The following BARD1 variants were observed in gnomAD, a reference collection of about 807,000 sequenced individuals.
The protein encoded by BARD1 is BRCA1 associated RING domain 1, also known as BRCA1-associated RING domain protein 1.
Under a neutral mutation model 77.0 loss-of-function variants are expected in BARD1, and 73 were observed. The ratio of observed to expected loss-of-function variants is 0.95; its 90% confidence interval spans 0.79 to 1.15. The LOEUF (loss-of-function observed/expected upper bound fraction) is 1.15, where lower values mean the gene tolerates loss of function less well. Among genes scored for constraint, BARD1 ranks in the 50% most tolerant of loss-of-function variants. The pLI, the probability that BARD1 is intolerant of heterozygous loss-of-function variation, is 0.00. For synonymous variants in BARD1, 384 were observed against 338.0 expected (o/e 1.14, Z -1.49); for missense variants, 993 against 938.8 (o/e 1.06, Z -0.75).
intron 9 of BARD1, among the ~76,000 whole-genome samples, chr2:214,742,660 C>T (rs933808037): frequency 3.3e-5 from 5 of 152,246 alleles, no homozygotes; most frequent in Admixed American, 1.3e-4. Flanking sequence ...TCTATAAAAA[C>T]GACACGGCCA....
At chr2:214,809,383 C>T in intron 1 of BARD1, 29 bp downstream of exon 1, 1 of 1,611,638 alleles carries the variant, frequency 6.2e-7, no homozygotes, top group Non-Finnish European at 8.5e-7. Context: ...CGTGCCCTCG[C>T]AGCCACCCCC....
chr2:214,765,971 A>G (rs941780503), intron 6 of BARD1, among the ~76,000 whole-genome samples: 1 of 152,236 alleles, frequency 6.6e-6, no homozygotes, highest in African/African-American at 2.4e-5. Flanking sequence ...CCTGCATTTT[A>G]TAATTCTTAT....
chr2:214,755,796 CAA>C (rs1223419302), intron 6 of BARD1, among the ~76,000 whole-genome samples: 9 of 152,124 alleles, frequency 5.9e-5, no homozygotes, highest in African/African-American at 1.7e-4. Flanking sequence ...ATTACAGACA[CAA>C]AGCGTATGTT....
At chr2:214,803,237 T>C (rs1696107993) in intron 1 of BARD1, among the ~76,000 whole-genome samples, 1 of 151,864 alleles carries the variant, frequency 6.6e-6, no homozygotes, top group Non-Finnish European at 1.5e-5. Flanking sequence ...TTTCTCCCCA[T>C]GTGATAGTCT....
intron 9 of BARD1, among the ~76,000 whole-genome samples, chr2:214,732,664 G>A (rs904029764): frequency 6.6e-6 from 1 of 152,084 alleles, no homozygotes; most frequent in Non-Finnish European, 1.5e-5. Flanking sequence ...CAAAGTGCTG[G>A]GATTACAGGC....
intron 4 of BARD1, among the ~76,000 whole-genome samples, chr2:214,778,345 T>TG (rs1694827662): frequency 6.6e-6 from 1 of 152,046 alleles, no homozygotes; most frequent in African/African-American, 2.4e-5. Flanking sequence ...CACTATTAAT[T>TG]GGTGATTTTA....
chr2:214,792,456 A>AT lies in BARD1; in HGVS notation c.216-12dup, dbSNP rs768266538. On this transcript the variant is annotated splice_polypyrimidine_tract_variant and intron_variant, in intron 2 of 10. Transcript: ENST00000260947. ...TCACTTACACAATTACTTTAAAATA[A>AT]TTAAAAAAAAAAAAAAAAGCAACCC... 20 of 1,527,146 alleles carry AT rather than the reference A, an allele frequency of 1.3e-5. No individual in the cohort carries two copies. Among genetic ancestry groups the AT allele is most frequent in the Non-Finnish European group, 1.7e-5 (19 of 1,145,650 alleles). 94.6% of individuals were successfully genotyped at this position (1,527,146 alleles called of 1,614,324 possible).
intron 2 of BARD1, among the ~76,000 whole-genome samples, chr2:214,796,022 C>G (rs1025071233): frequency 6.6e-6 from 1 of 152,096 alleles, no homozygotes; most frequent in Non-Finnish European, 1.5e-5. Context: ...AAGTAATACA[C>G]AAGGTTATTT....
Position 214,725,911 on chromosome 2 carries a change from CAAT to C in BARD1, c.*2762_*2764del, listed in dbSNP as rs1692065629. On this transcript the variant is annotated 3_prime_UTR_variant, in exon 11 of 11. Transcript: ENST00000260947. ...CATTTTCCACACTGACCCATGGAAACAATAACAGCTAATGTGGCCCCACTCTCA... is the reference window on the plus strand; with the variant it reads ...CATTTTCCACACTGACCCATGGAAACAACAGCTAATGTGGCCCCACTCTCA... 2 of 224,852 alleles carry C rather than the reference CAAT, an allele frequency of 8.9e-6. No individual in the cohort carries two copies. Among genetic ancestry groups the C allele is most frequent in the Admixed American group, 1.1e-4 (2 of 17,504 alleles). 13.9% of individuals were successfully genotyped at this position (224,852 alleles called of 1,614,324 possible).
rs35411590 is a variant in BARD1, at chr2:214,744,921, A to G, written c.1903+146T>C. On this transcript the variant is annotated intron_variant, in intron 9 of 10. Coordinates refer to ENST00000260947, the MANE Select transcript of BARD1 (RefSeq NM_000465.4). ...GCTGGGATTACAGGCTTGAGCCACCACGCCCAGCCAGAAGCTTTTCCAAAA... is the reference window on the plus strand; with the variant it reads ...GCTGGGATTACAGGCTTGAGCCACCGCGCCCAGCCAGAAGCTTTTCCAAAA... 0.48 allele frequency: 360,711 copies of G among 750,770 alleles called. 88,072 individuals are homozygous for G. Among genetic ancestry groups the G allele is most frequent in the Middle Eastern group, 0.59 (1,530 of 2,594 alleles). 46.5% of individuals were successfully genotyped at this position (750,770 alleles called of 1,614,324 possible).
intron 1 of BARD1, among the ~76,000 whole-genome samples, chr2:214,798,543 T>TC (rs1695864134): frequency 6.6e-6 from 1 of 151,968 alleles, no homozygotes; most frequent in Non-Finnish European, 1.5e-5. Flanking sequence ...TGGCCAAACC[T>TC]CCACCTTCAG....
intron 1 of BARD1, among the ~76,000 whole-genome samples, chr2:214,808,052 TAA>T (rs888336880): frequency 7.9e-5 from 12 of 152,372 alleles, no homozygotes; most frequent in African/African-American, 2.9e-4. Context: ...TCACAGATAT[TAA>T]AAGTTTTCGT....
rs1692114784 is a variant in BARD1 at position 214,727,074 on chromosome 2, T to C, written c.*1602A>G. 1 of 213,962 alleles carries C rather than the reference T, an allele frequency of 4.7e-6. No individual in the cohort carries two copies. Among genetic ancestry groups the C allele is most frequent in the Non-Finnish European group, 9.4e-6 (1 of 106,014 alleles). The allele number at this position is 213,962 out of a possible 1,614,324, so 13.3% of individuals were successfully genotyped here. On this transcript the variant is annotated 3_prime_UTR_variant, in exon 11 of 11. Transcript: ENST00000260947. The stretch of plus-strand genomic sequence containing the variant: ...AACGCCTCGGATTTTTGTTTGGTGC[T>C]ATGGTGTTCATTTTCTATCAGAATG...
chr2:214,745,613 G>A, intron 8 of BARD1, 109 bp downstream of exon 8: 1 of 1,354,138 alleles, frequency 7.4e-7, no homozygotes, highest in Non-Finnish European at 1.1e-6. Context: ...AAAGTATACA[G>A]CCATCTCCCA....
intron 4 of BARD1, among the ~76,000 whole-genome samples, chr2:214,779,363 T>C (rs1300265882): frequency 6.6e-6 from 1 of 152,222 alleles, no homozygotes; most frequent in African/African-American, 2.4e-5. Flanking sequence ...ATAAATGCTA[T>C]GTAGATAGTT....
rs1695018814 is a variant in BARD1 at position 214,781,327 on chromosome 2, C to T, written c.547G>A (p.Val183Ile). Residue 183 changes from valine (V) to isoleucine (I), a missense_variant, in exon 4 of 11, where the codon GTT becomes ATT. By Grantham distance (29) the Val-to-Ile change is conservative. Coordinates refer to ENST00000260947, the MANE Select transcript of BARD1 (RefSeq NM_000465.4). ...ASAQQDSYEF[V>I]SPSPPADVSE... ...ACATCTGCAGGAGGACTTGGGGAAACAAATTCATATGAGTCTTGCTGAGCA... is the reference window on the plus strand; with the variant it reads ...ACATCTGCAGGAGGACTTGGGGAAATAAATTCATATGAGTCTTGCTGAGCA... 6.2e-7 allele frequency: 1 copy of T among 1,612,890 alleles called. No homozygotes were observed. The highest frequency in any genetic ancestry group is 1.1e-5 in the South Asian group (1 of 90,496).
intron 6 of BARD1, among the ~76,000 whole-genome samples, chr2:214,765,746 G>T (rs111779457): frequency 6.6e-6 from 1 of 151,730 alleles, no homozygotes; most frequent in Non-Finnish European, 1.5e-5. Context: ...AAACACGCAC[G>T]TGTGTACACA....
chr2:214,782,073 T>C (rs1004046086), intron 3 of BARD1, among the ~76,000 whole-genome samples: 7 of 152,112 alleles, frequency 4.6e-5, no homozygotes, highest in African/African-American at 1.4e-4. Flanking sequence ...AAGAACCAAG[T>C]TGGAGGACTC....
Position 214,809,477 on chromosome 2 carries a change from G to C in BARD1, c.93C>G (p.Arg31=), listed in dbSNP as rs778803692. ...CGGCGCGACTGTGGGCCCAGGCACC[G>C]CGACCATCCGGTTCCATGGCGGGCG... ...RSAPAMEPDG[R]GAWAHSRAAL... Residue 31 remains arginine (R), a synonymous_variant, in exon 1 of 11, where the codon CGC becomes CGG. Transcript: ENST00000260947. 1 of 1,609,794 alleles carries C rather than the reference G, an allele frequency of 6.2e-7. No individual in the cohort carries two copies. Among genetic ancestry groups the C allele is most frequent in the African/African-American group, 1.3e-5 (1 of 74,902 alleles).
Sources: allele counts gnomAD v4.1 joint callset (sites outside exome capture counted in the v4.1 genomes callset), GRCh38; gene constraint gnomAD v4.1.1; transcripts MANE v1.5; gene names NCBI Gene and HGNC (gene_info 2026-07-23, HGNC 2026-07-21).